The following MED16 variants were observed in gnomAD, a reference collection of about 807,000 sequenced individuals.
MED16 encodes mediator complex subunit 16, also known as mediator of RNA polymerase II transcription subunit 16.
MED16 carries 81 observed loss-of-function variants against 84.4 expected under a neutral mutation model. That is an observed-to-expected ratio of 0.96 (90% confidence interval 0.80 to 1.15). The LOEUF (loss-of-function observed/expected upper bound fraction) is 1.15, where lower values mean the gene tolerates loss of function less well. MED16 is among the 50% of genes most tolerant of loss of function. The probability of loss-of-function intolerance (pLI) is 0.00; values close to 1 mark genes in which losing one functional copy is unlikely to be tolerated. For synonymous variants in MED16, 897 were observed against 552.2 expected, an observed-to-expected ratio of 1.62 and a Z score of -8.76; for missense variants, 1,585 against 1,245.9, an observed-to-expected ratio of 1.27 and a Z score of -4.10.
rs1422808111 is a variant in MED16, at chr19:878,949, C to T, written c.1353+988G>A. ...CCCCGGCCCCGGCCCCGGCCCCGGC[C>T]GCAGCTCCACGTGCCCCAGCAGCTC... On this transcript the variant is annotated intron_variant, in intron 8 of 15. Coordinates refer to ENST00000325464, the MANE Select transcript of MED16 (RefSeq NM_005481.3). Among the ~76,000 whole-genome samples, 15 of 111,872 alleles carry T rather than the reference C, an allele frequency of 1.3e-4. No homozygotes were observed. In the South Asian group the frequency reaches 1.6e-3, roughly 12 times the overall value. The allele number at this position is 111,872 out of a possible 152,430, so 73.4% of individuals were successfully genotyped here.
In MED16 at chr19:881,156, G is replaced by A. The variant is rs916069033; in HGVS notation, c.1141+403C>T. On this transcript the variant is annotated intron_variant, in intron 7 of 15. Transcript: ENST00000325464. The stretch of plus-strand genomic sequence containing the variant: ...TCCACATTTTACAGCTGAGCAAATA[G>A]GGTAGGCACTGAAGAGTGTGCAGAC... 2.6e-5 allele frequency among the ~76,000 whole-genome samples: 4 copies of A among 152,256 alleles called. No individual in the cohort carries two copies. The East Asian group carries it at 5.8e-4, about 22-fold the overall frequency.
intron 5 of MED16, 103 bp from the exon 6 acceptor site, chr19:885,111 C>A: frequency 1.2e-6 from 1 of 855,854 alleles, no homozygotes; most frequent in Non-Finnish European, 1.8e-6. Flanking sequence ...ACTGCTGGGC[C>A]TGTCTCTTCA....
At position 887,071 on chromosome 19, in the gene MED16, C is replaced by CT. The variant is rs1395233950; in HGVS notation, c.448-871dup. 4.0e-5 allele frequency among the ~76,000 whole-genome samples: 6 copies of CT among 150,602 alleles called. No homozygotes were observed. In the South Asian group the frequency reaches 8.4e-4, roughly 21 times the overall value. ...TCTGGCCTGGGCAACGAGAGCAAAACTTTGTCTCAAAAACAAAAAAAAAAA... is the reference window on the plus strand; with the variant it reads ...TCTGGCCTGGGCAACGAGAGCAAAACTTTTGTCTCAAAAACAAAAAAAAAAA... On this transcript the variant is annotated intron_variant, in intron 4 of 15. Coordinates refer to ENST00000325464, the MANE Select transcript of MED16 (RefSeq NM_005481.3).
In MED16 at chr19:891,029, GGGGCACCGAT is replaced by G; in HGVS notation, c.93_102del (p.Ser32TrpfsTer24). 6.2e-7 allele frequency: 1 copy of G among 1,614,130 alleles called. No homozygotes were observed. The highest frequency in any genetic ancestry group is 8.5e-7 in the Non-Finnish European group (1 of 1,180,028). ...TTTCGGCAGGACCAGGCGCAGGCCA[GGGGCACCGAT>G]GGGCAGTGGGTGCTCTTGGACCATT... On this transcript the variant is annotated frameshift_variant, in exon 2 of 16. Coordinates refer to ENST00000325464, the MANE Select transcript of MED16 (RefSeq NM_005481.3). LOFTEE classifies it high-confidence loss of function.
chr19:873,527 G>A lies in MED16; in HGVS notation c.1827C>T (p.Asn609=), dbSNP rs2036151389. The A allele has an allele frequency of 1.9e-6, 3 of 1,612,358 alleles. No individual in the cohort carries two copies. The highest frequency in any genetic ancestry group is 2.5e-6 in the Non-Finnish European group (3 of 1,179,724). The change falls in exon 11 of 16, where the codon AAC becomes AAT. Residue 609 remains asparagine, a synonymous_variant. Transcript: ENST00000325464. The part of the protein sequence containing the change: ...LKTEEFVLDM[N]TLQALQQLLQ... ...AGAGCTGCTGCAGCGCCTGCAGTGTGTTCATGTCCAGCACAAATTCCTCCG... is the reference window on the plus strand; with the variant it reads ...AGAGCTGCTGCAGCGCCTGCAGTGTATTCATGTCCAGCACAAATTCCTCCG...
Position 881,625 on chromosome 19 carries a change from G to A in MED16, c.1075C>T (p.Leu359=), listed in dbSNP as rs780507926. 4 of 1,612,722 alleles carry A rather than the reference G, an allele frequency of 2.5e-6. No individual in the cohort carries two copies. The highest frequency in any genetic ancestry group is 3.4e-6 in the Non-Finnish European group (4 of 1,179,918). ...DRVSAVALPK[L]PISLTNTDLK... Reference sequence around the variant, plus strand: ...TCGGTGTTGGTGAGCGAGATGGGCAGCTTGGGCAGCGCCACGGCCGACACA... The same window carrying A: ...TCGGTGTTGGTGAGCGAGATGGGCAACTTGGGCAGCGCCACGGCCGACACA... Residue 359 remains leucine (L), a synonymous_variant, in exon 7 of 16, where the codon CTG becomes TTG. Transcript: ENST00000325464.
intron 11 of MED16, among the ~76,000 whole-genome samples, chr19:872,705 A>AC (rs1463461237): frequency 1.3e-5 from 2 of 151,592 alleles, no homozygotes; most frequent in Non-Finnish European, 2.9e-5. Flanking sequence ...AAGCCGCAGA[A>AC]CTGAAGGTGG....
At chr19:876,860 C>T (rs1568324464) in intron 9 of MED16, 114 bp downstream of exon 9, 10 of 898,242 alleles carry the variant, frequency 1.1e-5, no homozygotes, top group East Asian at 8.3e-5. Flanking sequence ...CCACCTGGCA[C>T]GGGACCACCT....
chr19:876,238 C>T (rs907519355), intron 9 of MED16, among the ~76,000 whole-genome samples: 2 of 152,094 alleles, frequency 1.3e-5, no homozygotes, highest in African/African-American at 4.8e-5. Context: ...CGGCTGAGCT[C>T]GTTAGATCTG....
chr19:890,023 C>A, intron 3 of MED16, 114 bp downstream of exon 3: 1 of 865,852 alleles, frequency 1.2e-6, no homozygotes. Flanking sequence ...TGCAAAGCTG[C>A]AGACCAGGGG....
chr19:884,416 G>C (rs1341369075), intron 6 of MED16, among the ~76,000 whole-genome samples: 1 of 150,676 alleles, frequency 6.6e-6, no homozygotes, highest in Non-Finnish European at 1.5e-5. Flanking sequence ...CTGCTGGAGA[G>C]GTGGGGTGGG....
chr19:877,805 C>A (rs1362449255), intron 8 of MED16, among the ~76,000 whole-genome samples: 1 of 127,214 alleles, frequency 7.9e-6, no homozygotes, highest in Non-Finnish European at 1.7e-5. Flanking sequence ...CCCACGTGCC[C>A]CAGCAGCTCG....
intron 10 of MED16, among the ~76,000 whole-genome samples, chr19:874,313 C>G (rs544973788): frequency 6.6e-6 from 1 of 152,100 alleles, no homozygotes; most frequent in African/African-American, 2.4e-5. Flanking sequence ...GGGGTTTCAC[C>G]GTGTTAGCCA....
At chr19:885,099 G>C (rs962858202) in intron 5 of MED16, 91 bp from the exon 6 acceptor site, 1 of 941,776 alleles carries the variant, frequency 1.1e-6, no homozygotes, top group Non-Finnish European at 1.6e-6. Flanking sequence ...CTGGGGCCAC[G>C]CACTGCTGGG....
chr19:873,366 G>C (rs1439825584), intron 11 of MED16, 83 bp downstream of exon 11: 18 of 1,430,026 alleles, frequency 1.3e-5, no homozygotes, highest in Non-Finnish European at 1.7e-5. Context: ...AGGTGGTTTT[G>C]AGGGGCAGGG....
intron 4 of MED16, among the ~76,000 whole-genome samples, chr19:887,225 A>C (rs1428873167): frequency 3.8e-4 from 58 of 152,186 alleles, no homozygotes; most frequent in Admixed American, 6.5e-5. Context: ...CAGGTCCAGA[A>C]GTCCAGGAAG....
chr19:880,519 G>C lies in MED16; in HGVS notation c.1142-371C>G, dbSNP rs145685485. ...AGAGGCATCTTAGGGTGGTGGGCTG[G>C]GGCTGTCACTCACACTGGGGTCTGC... On this transcript the variant is annotated intron_variant, in intron 7 of 15. Coordinates refer to ENST00000325464, the MANE Select transcript of MED16 (RefSeq NM_005481.3). 1.4e-4 allele frequency among the ~76,000 whole-genome samples: 22 copies of C among 152,294 alleles called. 1 individual carries two copies. Among genetic ancestry groups the C allele is most frequent in the African/African-American group, 5.1e-4 (21 of 41,576 alleles).
intron 1 of MED16, chr19:892,642 G>A (rs1480297797): frequency 1.7e-5 from 2 of 120,726 alleles, no homozygotes; most frequent in Non-Finnish European, 3.8e-5. Context: ...CTCCACCCTA[G>A]GGACCCTATT....
In MED16 at chr19:871,051, G is replaced by A. The variant is rs749568080; in HGVS notation, c.2301C>T (p.Leu767=). ...GACACACGCACCTGGCGAGGCCGTC[G>A]AGCTGCAGGGTGGCAGCACTGCCAG... ...TLPGSAATLQ[L]DGLARAPGQP... is the part of the protein sequence containing the mutation. Residue 767 remains leucine, a synonymous_variant, in exon 13 of 16, where the codon CTC becomes CTT. Coordinates refer to ENST00000325464, the MANE Select transcript of MED16 (RefSeq NM_005481.3). The A allele has an allele frequency of 3.5e-5, 54 of 1,543,428 alleles. No individual in the cohort carries two copies. Among genetic ancestry groups the A allele is most frequent in the South Asian group, 2.4e-4 (20 of 83,854 alleles).
Sources: allele counts gnomAD v4.1 joint callset (sites outside exome capture counted in the v4.1 genomes callset), GRCh38; gene constraint gnomAD v4.1.1; transcripts MANE v1.5; gene names NCBI Gene and HGNC (gene_info 2026-07-23, HGNC 2026-07-21).